The following SYN2 variants were observed in gnomAD, a reference collection of about 807,000 sequenced individuals.
The protein encoded by SYN2 is synapsin-2.
A neutral mutation model predicts 50.9 loss-of-function variants in SYN2; 19 were observed. That is an observed-to-expected ratio of 0.37 (90% CI 0.26 to 0.55). The LOEUF (loss-of-function observed/expected upper bound fraction) is 0.55, where lower values mean the gene tolerates loss of function less well. Among genes scored for constraint, SYN2 ranks in the 20% least tolerant of loss-of-function variants. The pLI is 0.81. For missense variants in SYN2, 587 were observed against 576.4 expected (o/e 1.02, Z -0.19); for synonymous variants, 255 against 224.9 (o/e 1.13, Z -1.20).
At chr3:12,046,413 A>C (rs189838912) in intron 1 of SYN2, among the ~76,000 whole-genome samples, 1 of 152,282 alleles carries the variant, frequency 6.6e-6, no homozygotes, top group Admixed American at 6.5e-5. Flanking sequence ...GAATGTAGAG[A>C]GGGGGAGAAT....
At chr3:12,070,115 A>G (rs1295616486) in intron 1 of SYN2, 2 of 283,944 alleles carry the variant, frequency 7.0e-6, no homozygotes, top group Non-Finnish European at 1.4e-5. Flanking sequence ...TCCAGTTTTG[A>G]TATGCATTTT....
At chr3:12,043,125 C>A (rs1202916233) in intron 1 of SYN2, among the ~76,000 whole-genome samples, 1 of 151,542 alleles carries the variant, frequency 6.6e-6, no homozygotes, top group Non-Finnish European at 1.5e-5. Flanking sequence ...TGGACTCAGG[C>A]GATCCTCCCA....
chr3:12,037,774 A>G (rs1694529835), intron 1 of SYN2, among the ~76,000 whole-genome samples: 1 of 152,240 alleles, frequency 6.6e-6, no homozygotes, highest in Non-Finnish European at 1.5e-5. Context: ...AGTTTCCAAC[A>G]TAAGAACTTT....
At chr3:12,062,996 A>G (rs1695145806) in intron 1 of SYN2, among the ~76,000 whole-genome samples, 3 of 152,040 alleles carry the variant, frequency 2.0e-5, no homozygotes, top group Admixed American at 1.3e-4. Context: ...GCTACAGGCT[A>G]CATGAGTCCA....
intron 1 of SYN2, among the ~76,000 whole-genome samples, chr3:12,074,367 T>C (rs1162687447): frequency 6.6e-6 from 1 of 152,170 alleles, no homozygotes; most frequent in Non-Finnish European, 1.5e-5. Flanking sequence ...CACTACTGTG[T>C]TTTTACTGTT....
intron 9 of SYN2, among the ~76,000 whole-genome samples, chr3:12,169,088 ATC>A (rs1697877499): frequency 6.6e-6 from 1 of 152,162 alleles, no homozygotes; most frequent in African/African-American, 2.4e-5. Context: ...TTCAGAATCT[ATC>A]TCATTTCCTG....
chr3:12,162,256 CAG>C, intron 7 of SYN2, 102 bp downstream of exon 7: 1 of 1,454,596 alleles, frequency 6.9e-7, no homozygotes, highest in African/African-American at 1.4e-5. Flanking sequence ...CCACTTAAGT[CAG>C]AGATTTTTTT....
At chr3:12,039,251 C>T (rs185675549) in intron 1 of SYN2, among the ~76,000 whole-genome samples, 14 of 152,228 alleles carry the variant, frequency 9.2e-5, no homozygotes, top group Admixed American at 3.9e-4. Flanking sequence ...GAATAAATCT[C>T]ACTTAGTCGT....
intron 1 of SYN2, among the ~76,000 whole-genome samples, chr3:12,123,185 A>G (rs189149378): frequency 1.3e-5 from 2 of 152,372 alleles, no homozygotes; most frequent in Admixed American, 1.3e-4. Context: ...GAGGCAATAT[A>G]CAGAGGTAAT....
intron 1 of SYN2, among the ~76,000 whole-genome samples, chr3:12,056,285 A>C (rs1481066633): frequency 6.6e-6 from 1 of 152,034 alleles, no homozygotes; most frequent in African/African-American, 2.4e-5. Context: ...TTTGCGGGGA[A>C]GGAGGGGGTC....
intron 1 of SYN2, among the ~76,000 whole-genome samples, chr3:12,083,640 G>A (rs1695627028): frequency 1.3e-5 from 2 of 152,072 alleles, no homozygotes; most frequent in African/African-American, 4.8e-5. Context: ...TGTTTTTGTG[G>A]ACTGTCATGA....
At chr3:12,164,476 T>G (rs973988182) in intron 7 of SYN2, among the ~76,000 whole-genome samples, 2 of 152,218 alleles carry the variant, frequency 1.3e-5, no homozygotes, top group African/African-American at 4.8e-5. Context: ...CCCAAACTTG[T>G]GGCTATATTC....
chr3:12,021,498 A>G (rs185250210), intron 1 of SYN2, among the ~76,000 whole-genome samples: 1 of 152,330 alleles, frequency 6.6e-6, no homozygotes, highest in East Asian at 1.9e-4. Flanking sequence ...GTGAAATGTC[A>G]TGCTACTTTG....
chr3:12,093,308 G>A (rs1052289103), intron 1 of SYN2, among the ~76,000 whole-genome samples: 1 of 152,188 alleles, frequency 6.6e-6, no homozygotes, highest in East Asian at 1.9e-4. Flanking sequence ...AAAGAAAACT[G>A]TGGACATAGG....
chr3:12,020,328 C>T (rs1345677520), intron 1 of SYN2, among the ~76,000 whole-genome samples: 1 of 143,810 alleles, frequency 7.0e-6, no homozygotes, highest in Non-Finnish European at 1.5e-5. Context: ...TCCCCCCCAC[C>T]CTGGCCCCCC....
In SYN2 at chr3:12,187,311, T is replaced by G. The variant is rs1028485855; in HGVS notation, c.1370-58T>G. 3.4e-6 allele frequency: 5 copies of G among 1,472,162 alleles called. No individual in the cohort carries two copies. The African/African-American group carries it at 7.1e-5, about 21-fold the overall frequency. 91.2% of individuals were successfully genotyped at this position (1,472,162 alleles called of 1,614,324 possible). On this transcript the variant is annotated intron_variant, in intron 11 of 12. Coordinates refer to ENST00000621198, the MANE Select transcript of SYN2 (RefSeq NM_133625.6). The stretch of plus-strand genomic sequence containing the variant: ...ACCACACCCTTTGAGGCATAAATTC[T>G]AATAAGGAAACATTTTTATATGGTT...
At chr3:12,024,425 A>G (rs1011582960) in intron 1 of SYN2, among the ~76,000 whole-genome samples, 3 of 151,834 alleles carry the variant, frequency 2.0e-5, no homozygotes, top group Non-Finnish European at 2.9e-5. Context: ...CCCAAAGTGC[A>G]TTACTTCTTT....
chr3:12,062,560 G>C (rs1396964653), intron 1 of SYN2, among the ~76,000 whole-genome samples: 1 of 151,940 alleles, frequency 6.6e-6, no homozygotes, highest in Non-Finnish European at 1.5e-5. Context: ...TAAGAGAATT[G>C]AAAGACAAGC....
intron 1 of SYN2, among the ~76,000 whole-genome samples, chr3:12,069,220 A>G (rs1380985440): frequency 6.6e-6 from 1 of 150,840 alleles, no homozygotes; most frequent in Non-Finnish European, 1.5e-5. Flanking sequence ...GCTGCCATGA[A>G]CATTTGTGTA....
Sources: allele counts gnomAD v4.1 joint callset (sites outside exome capture counted in the v4.1 genomes callset), GRCh38; gene constraint gnomAD v4.1.1; transcripts MANE v1.5; gene names NCBI Gene and HGNC (gene_info 2026-07-23, HGNC 2026-07-21).